ZNF846: variants seen among roughly 807,000 people sequenced by gnomAD.
ZNF846 encodes the protein zinc finger protein 846.
A neutral mutation model predicts 16.0 loss-of-function variants in ZNF846; 15 were observed. The observed-to-expected ratio is 0.94, with a 90% CI of 0.63 to 1.45. The LOEUF is 1.45. ZNF846 is among the 40% of genes most tolerant of loss of function. The pLI is 0.00. For missense variants in ZNF846, 714 were observed against 622.3 expected, an observed-to-expected ratio of 1.15 and a Z score of -1.57; for synonymous variants, 229 against 212.0, an observed-to-expected ratio of 1.08 and a Z score of -0.70.
chr19:9,756,327 A>ATGTGTGTGTG (rs1180429035), downstream of ZNF846: 1 of 106,108 alleles, frequency 9.4e-6, no homozygotes, highest in African/African-American at 4.6e-5. Flanking sequence ...GTGCATATAT[A>ATGTGTGTGTG]TGTGTGTGTG....
intron 1 of ZNF846, among the ~76,000 whole-genome samples, chr19:9,780,959 C>G (rs1246461947): frequency 6.6e-6 from 1 of 152,170 alleles, no homozygotes; most frequent in Admixed American, 6.6e-5. Context: ...TGAGGTAGGA[C>G]TCAGCCCTTA....
downstream of ZNF846, chr19:9,756,452 CAT>C (rs1222460506): frequency 5.4e-5 from 8 of 147,548 alleles, 1 homozygote; most frequent in South Asian, 4.3e-4. Context: ...AATATTAACA[CAT>C]GAGACAGAAG....
At chr19:9,759,903 A>G in exon 5 of ZNF846, 2 of 1,613,252 alleles carry the variant, frequency 1.2e-6, no homozygotes, top group Admixed American at 1.7e-5. Context: ...AATATCTTGC[A>G]GCAGTGGGGA....
intron 1 of ZNF846, among the ~76,000 whole-genome samples, chr19:9,785,448 A>G (rs1450102324): frequency 1.3e-5 from 2 of 151,520 alleles, no homozygotes; most frequent in Non-Finnish European, 2.9e-5. Flanking sequence ...CGCCTGCGTC[A>G]GCCTCCCAGT....
downstream of ZNF846, among the ~76,000 whole-genome samples, chr19:9,754,589 C>CAAAAAAAAAAAAAAAAAA (rs1203086590): frequency 9.6e-5 from 10 of 104,014 alleles, no homozygotes; most frequent in African/African-American, 3.6e-4. Flanking sequence ...AAAAAAAAAG[C>CAAAAAAAAAAAAAAAAAA]AAAGGGCAAC....
chr19:9,774,148 C>T (rs2045412986), intron 1 of ZNF846, among the ~76,000 whole-genome samples: 1 of 152,054 alleles, frequency 6.6e-6, no homozygotes, highest in South Asian at 2.1e-4. Context: ...ATATAGATAG[C>T]AATTCTTAAC....
downstream of ZNF846, among the ~76,000 whole-genome samples, chr19:9,754,571 A>C (rs924098357): frequency 6.8e-5 from 10 of 148,122 alleles, no homozygotes; most frequent in African/African-American, 2.3e-4. Flanking sequence ...TCTTAAAAAA[A>C]AAAAAAAAAA....
At chr19:9,749,580 ACT>A (rs1329351151), downstream of ZNF846, among the ~76,000 whole-genome samples, 2 of 114,934 alleles carry the variant, frequency 1.7e-5, no homozygotes, top group African/African-American at 6.8e-5. Flanking sequence ...TTTTCTACTC[ACT>A]CTTATCCTTG....
downstream of ZNF846, among the ~76,000 whole-genome samples, chr19:9,753,889 G>C (rs896235380): frequency 6.6e-6 from 1 of 151,572 alleles, no homozygotes; most frequent in Non-Finnish European, 1.5e-5. Flanking sequence ...CTGTTGTGGG[G>C]TGGGTTGTGC....
intron 1 of ZNF846, chr19:9,775,037 T>C (rs929332916): frequency 5.5e-5 from 73 of 1,332,140 alleles, no homozygotes; most frequent in Admixed American, 2.2e-4. Flanking sequence ...AAAGCAGGAC[T>C]CTGTGGAAAT....
At chr19:9,756,325 A>ATG (rs2045134070), downstream of ZNF846, 1 of 93,452 alleles carries the variant, frequency 1.1e-5, no homozygotes, top group Non-Finnish European at 2.0e-5. Flanking sequence ...GTGTGCATAT[A>ATG]TATGTGTGTG....
At chr19:9,764,565 A>G (rs2045283731) in intron 2 of ZNF846, among the ~76,000 whole-genome samples, 1 of 152,142 alleles carries the variant, frequency 6.6e-6, no homozygotes, top group Non-Finnish European at 1.5e-5. Context: ...CCCCGCCCTC[A>G]CTAAGCTTAA....
At chr19:9,752,414 C>T in exon 6 of ZNF846, 1 of 403,442 alleles carries the variant, frequency 2.5e-6, no homozygotes, top group Non-Finnish European at 5.0e-6. Context: ...TTGACACCAG[C>T]CTGGACAACA....
chr19:9,756,370 T>C (rs1306721007), downstream of ZNF846: 1 of 133,030 alleles, frequency 7.5e-6, no homozygotes, highest in African/African-American at 3.3e-5. Flanking sequence ...TATATATATA[T>C]ATATATATAT....
chr19:9,773,769 G>A (rs557185043), intron 1 of ZNF846, among the ~76,000 whole-genome samples: 17 of 151,770 alleles, frequency 1.1e-4, no homozygotes, highest in Non-Finnish European at 2.4e-4. Context: ...GCGACAGAGC[G>A]AAACTCCATC....
exon 6 of ZNF846, chr19:9,757,956 G>C: frequency 6.2e-7 from 1 of 1,613,620 alleles, no homozygotes; most frequent in Non-Finnish European, 8.5e-7. Context: ...ACGAGTAAAA[G>C]CTTTCCCACA....
chr19:9,772,166 T>G (rs1238486484), upstream of ZNF846, among the ~76,000 whole-genome samples: 1 of 152,212 alleles, frequency 6.6e-6, no homozygotes, highest in Non-Finnish European at 1.5e-5. Context: ...AGACTGTAAA[T>G]GTGAGCTTAG....
intron 1 of ZNF846, among the ~76,000 whole-genome samples, chr19:9,778,803 C>CAAAAAAA (rs56001426): frequency 3.9e-5 from 2 of 51,362 alleles, no homozygotes; most frequent in Non-Finnish European, 4.1e-5. Flanking sequence ...AAACTCGTCT[C>CAAAAAAA]AAAAAAAAAA....
chr19:9,763,356 G>C, exon 3 of ZNF846: 1 of 1,611,296 alleles, frequency 6.2e-7, no homozygotes, highest in Non-Finnish European at 8.5e-7. Flanking sequence ...ATCCAACAAA[G>C]TCCACTCCTC....
Sources: gnomAD v4.1 joint callset for allele counts (sites outside exome capture counted in the v4.1 genomes callset) on GRCh38, gnomAD v4.1.1 for gene constraint, MANE v1.5 for transcripts, NCBI Gene and HGNC (gene_info 2026-07-23, HGNC 2026-07-21) for gene names.